ALG6: variants seen among roughly 807,000 people sequenced by gnomAD.
ALG6 encodes dolichyl pyrophosphate Man9GlcNAc2 alpha-1,3-glucosyltransferase.
ALG6 carries 46 observed loss-of-function variants against 66.6 expected under a neutral mutation model. That is an observed-to-expected ratio of 0.69 (90% confidence interval 0.55 to 0.88). The LOEUF (loss-of-function observed/expected upper bound fraction) is 0.88, where lower values mean the gene tolerates loss of function less well. ALG6 is among the 40% of genes least tolerant of loss of function. ALG6 has a pLI of 0.00. For missense variants in ALG6, 505 were observed against 586.8 expected (o/e 0.86, Z 1.44); for synonymous variants, 185 against 203.7 (o/e 0.91, Z 0.78).
chr1:63,411,887 C>T (rs1484719284), intron 8 of ALG6, 39 bp from the exon 9 acceptor site: 2 of 1,613,702 alleles, frequency 1.2e-6, no homozygotes, highest in African/African-American at 1.3e-5. Context: ...AATTACTGAC[C>T]TTTCCCTATC....
chr1:63,382,884 G>A (rs1025871938), intron 2 of ALG6, among the ~76,000 whole-genome samples: 2 of 151,974 alleles, frequency 1.3e-5, no homozygotes, highest in African/African-American at 4.8e-5. Flanking sequence ...CACCATGTTA[G>A]CCAGGATGGT....
intron 4 of ALG6, among the ~76,000 whole-genome samples, chr1:63,403,643 C>T (rs1644476094): frequency 1.3e-5 from 2 of 152,026 alleles, no homozygotes; most frequent in Middle Eastern, 3.4e-3. Context: ...ATTATGCAAA[C>T]ATCATAGAGG....
chr1:63,433,790 T>G lies in ALG6; in HGVS notation c.1327-3033T>G, dbSNP rs912951467. On this transcript the variant is annotated intron_variant, in intron 14 of 14. Transcript: ENST00000263440. This position sits in a 1 kb window ranked among gnomAD's most constrained non-coding sequence, Gnocchi z 4.2. ...ACAGAAATCCCTGCTCCCATGGAGGTTGCATTCTAGTGGAGAAATCCAGCA... is the reference window on the plus strand; with the variant it reads ...ACAGAAATCCCTGCTCCCATGGAGGGTGCATTCTAGTGGAGAAATCCAGCA... 1.3e-5 allele frequency among the ~76,000 whole-genome samples: 2 copies of G among 151,794 alleles called. No individual in the cohort carries two copies. Among genetic ancestry groups the G allele is most frequent in the Admixed American group, 6.6e-5 (1 of 15,204 alleles).
chr1:63,397,393 G>A (rs751707326), intron 3 of ALG6, among the ~76,000 whole-genome samples: 8 of 151,918 alleles, frequency 5.3e-5, no homozygotes, highest in Non-Finnish European at 1.2e-4. Context: ...CACCATCTTG[G>A]CCAGGCTGGT....
chr1:63,385,951 C>T (rs994617509), intron 2 of ALG6, among the ~76,000 whole-genome samples: 13 of 152,130 alleles, frequency 8.5e-5, no homozygotes, highest in Non-Finnish European at 1.9e-4. Flanking sequence ...AGCTGTGGGT[C>T]TGTCATGTAT....
intron 2 of ALG6, among the ~76,000 whole-genome samples, chr1:63,390,731 G>T (rs894751139): frequency 2.6e-5 from 4 of 152,170 alleles, no homozygotes; most frequent in Admixed American, 6.5e-5. Context: ...TCCCTCCATA[G>T]GTACCAGCTG....
chr1:63,383,273 C>A (rs2100391832), intron 2 of ALG6, among the ~76,000 whole-genome samples: 1 of 152,118 alleles, frequency 6.6e-6, no homozygotes, highest in South Asian at 2.1e-4. Context: ...AGGTGCTCAC[C>A]ACCATGCCTA....
At position 63,412,170 on chromosome 1, in the gene ALG6, G is replaced by A. The variant is rs1644520323; in HGVS notation, c.816+109G>A. The A allele has an allele frequency of 2.7e-6, 4 of 1,487,152 alleles. No individual in the cohort carries two copies. The East Asian group carries it at 9.1e-5, about 34-fold the overall frequency. 92.1% of individuals were successfully genotyped at this position (1,487,152 alleles called of 1,614,324 possible). A position where few individuals can be genotyped will look rare whatever the true frequency, so the allele number is the denominator to read the frequency against. ...TAGGAACTTCAGCTACTTTCCTCCT[G>A]TAATCATTCCTTGCCAGTTATTGCT... On this transcript the variant is annotated intron_variant, in intron 9 of 14. Transcript: ENST00000263440.
intron 4 of ALG6, among the ~76,000 whole-genome samples, chr1:63,403,816 C>T (rs573210252): frequency 6.6e-4 from 100 of 152,162 alleles, no homozygotes; most frequent in African/African-American, 2.1e-3. Context: ...ACATAGCTAG[C>T]GTAAAAATAT....
At chr1:63,431,427 A>AT (rs1644644659) in intron 14 of ALG6, among the ~76,000 whole-genome samples, 1 of 152,084 alleles carries the variant, frequency 6.6e-6, no homozygotes, top group South Asian at 2.1e-4. Flanking sequence ...ATATTGCTTT[A>AT]TTTTTTTGAG....
intron 2 of ALG6, among the ~76,000 whole-genome samples, chr1:63,386,330 G>A (rs952710991): frequency 1.3e-5 from 2 of 151,810 alleles, no homozygotes; most frequent in Admixed American, 6.6e-5. Context: ...TACTGGGCTC[G>A]TAGAATGAGT....
intron 3 of ALG6, among the ~76,000 whole-genome samples, chr1:63,400,182 A>G (rs1458766903): frequency 9.1e-6 from 1 of 109,702 alleles, no homozygotes; most frequent in Admixed American, 1.0e-4. Context: ...CAACAAGAGC[A>G]AAACTCTGTC....
At chr1:63,430,434 G>C (rs1223281965) in intron 14 of ALG6, among the ~76,000 whole-genome samples, 1 of 152,168 alleles carries the variant, frequency 6.6e-6, no homozygotes, top group African/African-American at 2.4e-5. Context: ...AGAATTGCTA[G>C]ATCATATGGT....
intron 10 of ALG6, 77 bp from the exon 11 acceptor site, chr1:63,415,796 A>T: frequency 2.4e-6 from 2 of 847,844 alleles, no homozygotes; most frequent in Non-Finnish European, 3.7e-6. Flanking sequence ...CCTTATATTT[A>T]AAAAATATTT....
At chr1:63,382,104 T>G (rs1300742371) in intron 2 of ALG6, among the ~76,000 whole-genome samples, 1 of 151,912 alleles carries the variant, frequency 6.6e-6, no homozygotes, top group Non-Finnish European at 1.5e-5. Context: ...TTTTTTGCTT[T>G]TAATTTGTAT....
At chr1:63,425,809 T>C (rs959524278) in intron 12 of ALG6, among the ~76,000 whole-genome samples, 3 of 152,036 alleles carry the variant, frequency 2.0e-5, no homozygotes, top group Non-Finnish European at 4.4e-5. Flanking sequence ...ATTATAATGA[T>C]TGACCTTAGA....
chr1:63,398,565 C>T (rs1289808908), intron 3 of ALG6, among the ~76,000 whole-genome samples: 10 of 152,180 alleles, frequency 6.6e-5, no homozygotes, highest in African/African-American at 2.4e-4. Flanking sequence ...CTCCGCCTCC[C>T]AGGTTCACGC....
intron 2 of ALG6, among the ~76,000 whole-genome samples, chr1:63,380,151 A>G (rs1648257413): frequency 6.6e-6 from 1 of 152,212 alleles, no homozygotes; most frequent in Non-Finnish European, 1.5e-5. Flanking sequence ...TCTAGAAGCC[A>G]AGAAACCAGA....
chr1:63,392,724 A>G (rs1016110044), intron 2 of ALG6, among the ~76,000 whole-genome samples: 2 of 152,200 alleles, frequency 1.3e-5, no homozygotes, highest in African/African-American at 4.8e-5. Flanking sequence ...TGTAATTCTG[A>G]ATCTTATGTA....
Sources: allele counts gnomAD v4.1 joint callset (sites outside exome capture counted in the v4.1 genomes callset), GRCh38; gene constraint gnomAD v4.1.1; non-coding constraint Gnocchi (gnomAD v3.1); transcripts MANE v1.5; gene names NCBI Gene and HGNC (gene_info 2026-07-23, HGNC 2026-07-21).